GAREM1: variants seen among roughly 807,000 people sequenced by gnomAD.
The protein encoded by GAREM1 is GRB2-associated and regulator of MAPK protein 1.
In GAREM1, 26 loss-of-function variants were observed where a neutral mutation model predicts 71.3. The observed-to-expected ratio is 0.36, with a 90% CI of 0.27 to 0.51. GAREM1 has a LOEUF of 0.51. Ranked by LOEUF, GAREM1 falls within the 20% of genes least tolerant of loss-of-function variation. GAREM1 has a pLI of 0.95. For synonymous variants in GAREM1, 440 were observed against 433.2 expected, an observed-to-expected ratio of 1.02 and a Z score of -0.20; for missense variants, 1,026 against 1,103.1, an observed-to-expected ratio of 0.93 and a Z score of 0.99.
intron 2 of GAREM1, among the ~76,000 whole-genome samples, chr18:32,364,026 A>ATATATATATATATATTTT (rs1336753011): frequency 8.6e-5 from 4 of 46,418 alleles, no homozygotes; most frequent in African/African-American, 1.6e-4. Flanking sequence ...ATATATATAT[A>ATATATATATATATATTTT]TGTTTTTTTT....
At chr18:32,317,651 G>GT (rs2047392110) in intron 2 of GAREM1, among the ~76,000 whole-genome samples, 1 of 147,204 alleles carries the variant, frequency 6.8e-6, no homozygotes, top group South Asian at 2.2e-4. Context: ...TTCTCACTGT[G>GT]TTTTGCAAGA....
At chr18:32,373,842 T>C (rs556750139) in intron 2 of GAREM1, among the ~76,000 whole-genome samples, 18 of 152,188 alleles carry the variant, frequency 1.2e-4, no homozygotes, top group Non-Finnish European at 2.2e-4. Context: ...TATAAATCAG[T>C]CTTTAAGGTC....
At chr18:32,294,806 C>T (rs1598937934) in intron 3 of GAREM1, among the ~76,000 whole-genome samples, 1 of 152,016 alleles carries the variant, frequency 6.6e-6, no homozygotes, top group East Asian at 1.9e-4. Context: ...TATCTTTATC[C>T]TTTCAATTTT....
chr18:32,337,551 C>G (rs2047609081), intron 2 of GAREM1, among the ~76,000 whole-genome samples: 1 of 152,264 alleles, frequency 6.6e-6, no homozygotes, highest in South Asian at 2.1e-4. Flanking sequence ...CTGCATTAGT[C>G]ATAGGAAAGA....
chr18:32,336,694 A>T (rs921070380), intron 2 of GAREM1, among the ~76,000 whole-genome samples: 3 of 152,126 alleles, frequency 2.0e-5, no homozygotes, highest in Non-Finnish European at 2.9e-5. Context: ...TCCCCACTCA[A>T]ACACTCTGAT....
At chr18:32,282,598 C>T (rs555363028) in intron 4 of GAREM1, among the ~76,000 whole-genome samples, 47 of 152,134 alleles carry the variant, frequency 3.1e-4, no homozygotes, top group Admixed American at 2.6e-3. Flanking sequence ...TATAGTGGCA[C>T]GATCTCAGCT....
In GAREM1 at chr18:32,295,089, G is replaced by T. The variant is rs544829992; in HGVS notation, c.394-6886C>A. On this transcript the variant is annotated intron_variant, in intron 3 of 5. Coordinates refer to ENST00000269209, the MANE Select transcript of GAREM1 (RefSeq NM_001242409.2). ...TTGTTGTTGTTTTGTTTTTGAGATG[G>T]AGTCTTGCTCTGTCACCCAGGCTGG... Among the ~76,000 whole-genome samples, 17 of 151,938 alleles carry T rather than the reference G, an allele frequency of 1.1e-4. No homozygotes were observed. In the East Asian group the frequency reaches 2.5e-3, roughly 22 times the overall value.
chr18:32,391,181 G>A (rs750891486), intron 2 of GAREM1, among the ~76,000 whole-genome samples: 1 of 152,176 alleles, frequency 6.6e-6, no homozygotes, highest in Admixed American at 6.5e-5. Context: ...GATGAGCTGA[G>A]GGAGGTAACT....
chr18:32,463,471 AT>A (rs2144315697), intron 1 of GAREM1, among the ~76,000 whole-genome samples: 1 of 151,970 alleles, frequency 6.6e-6, no homozygotes, highest in East Asian at 1.9e-4. Context: ...TTTTCTCATC[AT>A]TTTTAGGCAC....
intron 1 of GAREM1, among the ~76,000 whole-genome samples, chr18:32,430,493 G>C (rs1184394771): frequency 6.6e-6 from 1 of 152,204 alleles, no homozygotes; most frequent in East Asian, 1.9e-4. Context: ...TTGGAAGGAA[G>C]GGAGTCTCAG....
At chr18:32,416,557 G>C (rs1201772351) in intron 1 of GAREM1, among the ~76,000 whole-genome samples, 5 of 151,990 alleles carry the variant, frequency 3.3e-5, no homozygotes, top group African/African-American at 1.2e-4. Flanking sequence ...AGAGAACCCA[G>C]AATCAAATCC....
chr18:32,323,786 A>C (rs2047451235), intron 2 of GAREM1, among the ~76,000 whole-genome samples: 1 of 152,230 alleles, frequency 6.6e-6, no homozygotes, highest in Non-Finnish European at 1.5e-5. Flanking sequence ...TTTTGGAGAA[A>C]TATAAAATGA....
chr18:32,386,581 C>T (rs1318817116), intron 2 of GAREM1, among the ~76,000 whole-genome samples: 1 of 152,192 alleles, frequency 6.6e-6, no homozygotes, highest in Non-Finnish European at 1.5e-5. Flanking sequence ...GAGTTTATCT[C>T]AGATGCTTAT....
chr18:32,411,754 C>G (rs2048419894), intron 1 of GAREM1, among the ~76,000 whole-genome samples: 1 of 152,052 alleles, frequency 6.6e-6, no homozygotes, highest in Admixed American at 6.6e-5. Context: ...CTTCTCCACC[C>G]AAGCAGGTTG....
intron 1 of GAREM1, among the ~76,000 whole-genome samples, chr18:32,399,019 C>A (rs187866372): frequency 0.076 from 11,535 of 152,106 alleles, 456 homozygotes; most frequent in African/African-American, 0.097. Context: ...GTTCAACATA[C>A]GCAAATCAAT....
intron 3 of GAREM1, among the ~76,000 whole-genome samples, chr18:32,296,103 C>T (rs2047136449): frequency 1.3e-5 from 2 of 152,024 alleles, no homozygotes; most frequent in South Asian, 4.2e-4. Flanking sequence ...GCTGGGACTA[C>T]AGGCACGCGG....
chr18:32,430,328 T>C (rs1370298952), intron 1 of GAREM1, among the ~76,000 whole-genome samples: 1 of 152,234 alleles, frequency 6.6e-6, no homozygotes, highest in African/African-American at 2.4e-5. Flanking sequence ...CTAGTAGTTT[T>C]AGAAACAGTG....
intron 1 of GAREM1, among the ~76,000 whole-genome samples, chr18:32,454,686 G>C (rs1190130931): frequency 6.6e-6 from 1 of 152,206 alleles, no homozygotes; most frequent in Non-Finnish European, 1.5e-5. Context: ...GACTGAGAAA[G>C]AACTCTAAAT....
chr18:32,314,790 T>C (rs2047359979), intron 2 of GAREM1, among the ~76,000 whole-genome samples: 1 of 152,038 alleles, frequency 6.6e-6, no homozygotes, highest in Non-Finnish European at 1.5e-5. Flanking sequence ...GGTTTCACCA[T>C]GTTGGTCAGG....
Sources: allele counts gnomAD v4.1 joint callset (sites outside exome capture counted in the v4.1 genomes callset), GRCh38; gene constraint gnomAD v4.1.1; transcripts MANE v1.5; gene names NCBI Gene and HGNC (gene_info 2026-07-23, HGNC 2026-07-21).